Variants in DST observed in about 807,000 individuals in gnomAD.
DST encodes bullous pemphigoid antigen.
In DST, 253 loss-of-function variants were observed where a neutral mutation model predicts 875.2. The ratio of observed to expected loss-of-function variants is 0.29; its 90% confidence interval spans 0.26 to 0.32. The LOEUF (loss-of-function observed/expected upper bound fraction) is 0.32, where lower values mean the gene tolerates loss of function less well. Among genes scored for constraint, DST ranks in the 10% least tolerant of loss-of-function variants. DST has a pLI of 1.00. For missense variants in DST, 8,287 were observed against 9,111.6 expected (o/e 0.91, Z 3.68); for synonymous variants, 3,124 against 3,197.1 (o/e 0.98, Z 0.77).
intron 3 of DST, among the ~76,000 whole-genome samples, chr6:56,854,986 T>G (rs779451904): frequency 1.8e-4 from 28 of 152,332 alleles, no homozygotes; most frequent in Non-Finnish European, 3.8e-4. Context: ...ATGAAAGAGC[T>G]GTGGAGTAAC....
intron 4 of DST, among the ~76,000 whole-genome samples, chr6:56,824,558 G>C (rs1263674167): frequency 6.6e-6 from 1 of 152,038 alleles, no homozygotes; most frequent in East Asian, 1.9e-4. Flanking sequence ...TCTAGGAAAT[G>C]AGGAGCGTCT....
chr6:56,529,670 C>G lies in DST; in HGVS notation c.17373G>C (p.Val5791=), dbSNP rs371488094. The change falls in exon 66 of 104, where the codon GTG becomes GTC. Residue 5791 remains valine (V), a synonymous_variant. Transcript: ENST00000680361. The part of the protein sequence containing the change: ...VLSSREDKDM[V]QSKLDFSQVW... ...CTTGAGAGAAGTCTAATTTACTCTG[C>G]ACCATATCTTTATCCTCCCTGGAGC... is the stretch of plus-strand genomic sequence containing the variant. The G allele has an allele frequency of 6.2e-7, 1 of 1,613,736 alleles. No individual in the cohort carries two copies. Among genetic ancestry groups the G allele is most frequent in the East Asian group, 2.2e-5 (1 of 44,874 alleles).
rs752459155 is a variant in DST at position 56,552,486 on chromosome 6, T to A, written c.16306A>T (p.Met5436Leu). 8.7e-6 allele frequency: 14 copies of A among 1,614,006 alleles called. No homozygotes were observed. Among genetic ancestry groups the A allele is most frequent in the Non-Finnish European group, 1.0e-5 (12 of 1,179,886 alleles). The change falls in exon 61 of 104, where the codon ATG becomes TTG. Residue 5436 changes from methionine to leucine, a missense_variant. Met to Leu is a conservative substitution (Grantham distance 15). Coordinates refer to ENST00000680361, the MANE Select transcript of DST (RefSeq NM_001374736.1). ...KAFLKKLEAL[M>L]ASNDNANKTC... ...TTATTGGCATTGTCATTGCTTGCCA[T>A]GAGGGCTTCTAGTTTCTTTAGAAAG... is the stretch of plus-strand genomic sequence containing the variant.
At chr6:56,893,605 A>ATTTTTTTTTTTTTTT in intron 3 of DST, among the ~76,000 whole-genome samples, 1 of 63,408 alleles carries the variant, frequency 1.6e-5, no homozygotes, top group African/African-American at 9.9e-5. Context: ...TTTATTTTTT[A>ATTTTTTTTTTTTTTT]TTTTTTATTT....
At position 56,557,433 on chromosome 6, in the gene DST, C is replaced by T; in HGVS notation, c.14526G>A (p.Gln4842=). 1 of 1,613,682 alleles carries T rather than the reference C, an allele frequency of 6.2e-7. No individual in the cohort carries two copies. Among genetic ancestry groups the T allele is most frequent in the Non-Finnish European group, 8.5e-7 (1 of 1,179,700 alleles). The change falls in exon 59 of 104, where the codon CAG becomes CAA. Residue 4842 remains glutamine (Q), a synonymous_variant. Coordinates refer to ENST00000680361, the MANE Select transcript of DST (RefSeq NM_001374736.1). ...EESSNNLTQF[Q]TVEAQLKQWL... is the part of the protein sequence containing the mutation. The stretch of plus-strand genomic sequence containing the variant: ...ACTGTTTCAATTGGGCCTCTACAGT[C>T]TGGAACTGGGTTAGATTATTGGAGG...
intron 4 of DST, among the ~76,000 whole-genome samples, chr6:56,791,316 G>A (rs2099722724): frequency 6.6e-6 from 1 of 152,124 alleles, no homozygotes; most frequent in Non-Finnish European, 1.5e-5. Flanking sequence ...TATAGTAACT[G>A]AGACACTGTA....
Position 56,720,927 on chromosome 6 carries a change from G to A in DST, c.687+14301C>T, listed in dbSNP as rs572904354. ...GGGCTCCTCACTTCCCAGATGGGGC[G>A]GCCAGGCAGAGGGGCCCCCCACCCC... On this transcript the variant is annotated intron_variant, in intron 5 of 103. Transcript: ENST00000680361. Among the ~76,000 whole-genome samples, 1,259 of 151,380 alleles carry A rather than the reference G, an allele frequency of 8.3e-3. 15 individuals are homozygous for A. Among genetic ancestry groups the A allele is most frequent in the African/African-American group, 0.028 (1,129 of 40,752 alleles).
At chr6:56,643,501 G>A (rs184643643) in intron 15 of DST, among the ~76,000 whole-genome samples, 1 of 152,086 alleles carries the variant, frequency 6.6e-6, no homozygotes, top group Non-Finnish European at 1.5e-5. Context: ...AATTTAATTT[G>A]TCTGTGCTTG....
chr6:56,648,661 T>C lies in DST; in HGVS notation c.1463A>G (p.Gln488Arg). The C allele has an allele frequency of 6.3e-7, 1 of 1,580,416 alleles. No homozygotes were observed. The highest frequency in any genetic ancestry group is 8.6e-7 in the Non-Finnish European group (1 of 1,160,566). Residue 488 changes from glutamine (Q) to arginine (R), a missense_variant, in exon 13 of 104, where the codon CAG (glutamine) becomes CGG (arginine). Gln to Arg is a conservative substitution (Grantham distance 43). Coordinates refer to ENST00000680361, the MANE Select transcript of DST (RefSeq NM_001374736.1). ...TTGGATGAGGTAGTTCACCATATTC[T>C]GGTATTCAATCCATTTGACTTCAAC... ...NDVEVKWIEY[Q>R]NMVNYLIQWI...
chr6:56,470,061 G>T, intron 96 of DST, 67 bp downstream of exon 96: 1 of 1,601,724 alleles, frequency 6.2e-7, no homozygotes, highest in South Asian at 1.1e-5. Context: ...ATGGTTGTAT[G>T]AATTGTGCAT....
chr6:56,721,313 T>G (rs999671029), intron 5 of DST, among the ~76,000 whole-genome samples: 7 of 152,242 alleles, frequency 4.6e-5, no homozygotes, highest in African/African-American at 1.7e-4. Context: ...GTTAACGCAA[T>G]TATCACAGGG....
At chr6:56,479,244 TC>T (rs2095320022) in intron 90 of DST, among the ~76,000 whole-genome samples, 1 of 152,080 alleles carries the variant, frequency 6.6e-6, no homozygotes, top group African/African-American at 2.4e-5. Context: ...ATTACACAAG[TC>T]AGGATGACTA....
intron 58 of DST, among the ~76,000 whole-genome samples, chr6:56,557,738 T>C (rs2097451379): frequency 6.6e-6 from 1 of 152,184 alleles, no homozygotes; most frequent in Non-Finnish European, 1.5e-5. Context: ...AATCTGACTT[T>C]AGAAGATATC....
In DST at chr6:56,641,351, C is replaced by G. The variant is rs538445313; in HGVS notation, c.2027+596G>C. Reference sequence around the variant, plus strand: ...CCTATAATCACAGCATTTTGGGAGGCTGAGGCAGGTGGATCACTTAAGGTC... The same window carrying G: ...CCTATAATCACAGCATTTTGGGAGGGTGAGGCAGGTGGATCACTTAAGGTC... On this transcript the variant is annotated intron_variant, in intron 17 of 103. Transcript: ENST00000680361. 8.5e-5 allele frequency among the ~76,000 whole-genome samples: 13 copies of G among 152,244 alleles called. No individual in the cohort carries two copies. In the South Asian group the frequency reaches 2.7e-3, roughly 32 times the overall value.
intron 10 of DST, among the ~76,000 whole-genome samples, chr6:56,662,481 T>C (rs904678863): frequency 6.6e-6 from 1 of 152,214 alleles, no homozygotes; most frequent in Admixed American, 6.5e-5. Context: ...AGTAGGACTG[T>C]GGTAACAAGT....
intron 5 of DST, among the ~76,000 whole-genome samples, chr6:56,717,293 C>A (rs1296444140): frequency 6.6e-6 from 1 of 152,132 alleles, no homozygotes; most frequent in Non-Finnish European, 1.5e-5. Flanking sequence ...AATCTAATGG[C>A]ACTGCTGATC....
At chr6:56,502,780 T>C (rs775418031) in intron 78 of DST, among the ~76,000 whole-genome samples, 1 of 152,142 alleles carries the variant, frequency 6.6e-6, no homozygotes, top group Non-Finnish European at 1.5e-5. Flanking sequence ...AGAAAATTTG[T>C]TTCTAAATGA....
rs755021623 is a variant in DST at position 56,615,922 on chromosome 6, C to CT, written c.4930-1439dup. On this transcript the variant is annotated intron_variant, in intron 36 of 103. Transcript: ENST00000680361. ...TTACTAATTCACACTGTCGCAGCTGCTGGGCAAACCCCTCATCAACCAGGC... is the reference window on the plus strand; with the variant it reads ...TTACTAATTCACACTGTCGCAGCTGCTTGGGCAAACCCCTCATCAACCAGGC... 8.1e-6 allele frequency: 13 copies of CT among 1,614,078 alleles called. No individual in the cohort carries two copies. Among genetic ancestry groups the CT allele is most frequent in the African/African-American group, 1.3e-5 (1 of 74,922 alleles).
Position 56,458,250 on chromosome 6 carries a change from A to T in DST, c.*755T>A, listed in dbSNP as rs1175333143. ...AATTCCATAGCAATGCAGTTAAGGGACGTGTTTTATTTCATAGCTTTCTGC... is the reference window on the plus strand; with the variant it reads ...AATTCCATAGCAATGCAGTTAAGGGTCGTGTTTTATTTCATAGCTTTCTGC... On this transcript the variant is annotated 3_prime_UTR_variant, in exon 104 of 104. Coordinates refer to ENST00000680361, the MANE Select transcript of DST (RefSeq NM_001374736.1). 6.6e-6 allele frequency: 1 copy of T among 152,642 alleles called. No homozygotes were observed. 9.5% of individuals were successfully genotyped at this position (152,642 alleles called of 1,614,324 possible).
Sources: gnomAD v4.1 joint callset for allele counts (sites outside exome capture counted in the v4.1 genomes callset) on GRCh38, gnomAD v4.1.1 for gene constraint, MANE v1.5 for transcripts, NCBI Gene and HGNC (gene_info 2026-07-23, HGNC 2026-07-21) for gene names.